Variants in TMPRSS2 observed in about 807,000 individuals in gnomAD.
The protein encoded by TMPRSS2 is transmembrane protease serine 2.
TMPRSS2 carries 59 observed loss-of-function variants against 67.4 expected under a neutral mutation model. The observed-to-expected ratio is 0.88, with a 90% CI of 0.71 to 1.09. The LOEUF (loss-of-function observed/expected upper bound fraction) is 1.09. Ranked by LOEUF, TMPRSS2 falls within the 50% of genes least tolerant of loss-of-function variation. TMPRSS2 has a pLI of 0.00. For synonymous variants in TMPRSS2, 257 were observed against 257.0 expected (o/e 1.00, Z 0.00); for missense variants, 668 against 642.7 (o/e 1.04, Z -0.43).
chr21:41,497,803 T>C (rs747158787), intron 2 of TMPRSS2, among the ~76,000 whole-genome samples: 6 of 152,204 alleles, frequency 3.9e-5, no homozygotes, highest in Non-Finnish European at 7.4e-5. Flanking sequence ...CATACCCCTG[T>C]TATCGCCATC....
intron 5 of TMPRSS2, among the ~76,000 whole-genome samples, chr21:41,484,829 G>A (rs2156300): frequency 0.95 from 144,694 of 152,028 alleles, 69,463 homozygotes; most frequent in Non-Finnish European, 0.98. Flanking sequence ...ATAATGGTGC[G>A]TCCATGCAAA....
chr21:41,501,899 C>A (rs904060019), intron 1 of TMPRSS2, among the ~76,000 whole-genome samples: 1 of 152,174 alleles, frequency 6.6e-6, no homozygotes, highest in Non-Finnish European at 1.5e-5. Flanking sequence ...TTTAAAGGAC[C>A]GGGATGATGG....
intron 1 of TMPRSS2, 132 bp downstream of exon 1, chr21:41,507,949 C>A (rs1274480463): frequency 1.3e-6 from 2 of 1,482,036 alleles, no homozygotes; most frequent in Middle Eastern, 2.0e-4. Flanking sequence ...GGCGCACTCA[C>A]CTGCCGCGCC....
At chr21:41,501,457 A>C (rs1425369264) in intron 1 of TMPRSS2, among the ~76,000 whole-genome samples, 1 of 151,990 alleles carries the variant, frequency 6.6e-6, no homozygotes, top group African/African-American at 2.4e-5. Flanking sequence ...AAAAATACAA[A>C]AATTAGCTGG....
In TMPRSS2 at chr21:41,478,872, G is replaced by A. The variant is rs958822021; in HGVS notation, c.683+300C>T. Among the ~76,000 whole-genome samples, 2 of 152,226 alleles carry A rather than the reference G, an allele frequency of 1.3e-5. No individual in the cohort carries two copies. Among genetic ancestry groups the A allele is most frequent in the African/African-American group, 2.4e-5 (1 of 41,458 alleles). On this transcript the variant is annotated intron_variant, in intron 7 of 13. Transcript: ENST00000332149. This position sits in a 1 kb window ranked among gnomAD's most constrained non-coding sequence, Gnocchi z 4.0. Reference sequence around the variant, plus strand: ...AAAATAGGTACACCTCTAAATGTCTGAAGAGGAAAGAAAACTAAATAGAGT... The same window carrying A: ...AAAATAGGTACACCTCTAAATGTCTAAAGAGGAAAGAAAACTAAATAGAGT...
intron 11 of TMPRSS2, among the ~76,000 whole-genome samples, chr21:41,470,057 A>G (rs926680656): frequency 6.6e-6 from 1 of 152,184 alleles, no homozygotes; most frequent in African/African-American, 2.4e-5. Context: ...TGTATGGCCT[A>G]GACGCTTTTG....
In TMPRSS2 at chr21:41,476,460, A is replaced by G. The variant is rs903983860; in HGVS notation, c.727+117T>C. The G allele has an allele frequency of 1.4e-4, 148 of 1,038,898 alleles. 1 individual carries two copies. In the African/African-American group the frequency reaches 2.3e-3, roughly 16 times the overall value. The allele number at this position is 1,038,898 out of a possible 1,614,324, so 64.4% of individuals were successfully genotyped here. A position where few individuals can be genotyped will look rare whatever the true frequency, so the allele number is the denominator to read the frequency against. ...GCGAGACGCCGCTGGGCACATTCCA[A>G]CCCGTGACCCCACCTTCTTCCCTCC... is the stretch of plus-strand genomic sequence containing the variant. On this transcript the variant is annotated intron_variant, in intron 8 of 13. Coordinates refer to ENST00000332149, the MANE Select transcript of TMPRSS2 (RefSeq NM_005656.4).
Position 41,471,309 on chromosome 21 carries a change from T to C in TMPRSS2, c.1075+497A>G, listed in dbSNP as rs370896169. On this transcript the variant is annotated intron_variant, in intron 10 of 13. Transcript: ENST00000332149. ...TGAATTAAGCAACTTGGTTTTAGAATGTATCTTTAAAAATCAAGGATCTTT... is the reference window on the plus strand; with the variant it reads ...TGAATTAAGCAACTTGGTTTTAGAACGTATCTTTAAAAATCAAGGATCTTT... 2.0e-4 allele frequency among the ~76,000 whole-genome samples: 31 copies of C among 152,356 alleles called. 1 individual carries two copies. In the East Asian group the frequency reaches 5.0e-3, roughly 25 times the overall value.
intron 3 of TMPRSS2, among the ~76,000 whole-genome samples, chr21:41,491,261 A>G (rs546531769): frequency 7.6e-5 from 11 of 145,670 alleles, no homozygotes; most frequent in Admixed American, 2.2e-4. Context: ...AGCTCAAGCC[A>G]TCTTTCCACT....
chr21:41,501,292 A>G (rs186929947), intron 1 of TMPRSS2, among the ~76,000 whole-genome samples: 28 of 152,322 alleles, frequency 1.8e-4, no homozygotes, highest in Non-Finnish European at 1.2e-4. Context: ...GGAATGGAAG[A>G]CCAGAGTGAT....
rs199824558 is a variant in TMPRSS2 at position 41,494,495 on chromosome 21, G to A, written c.99C>T (p.Val33=). The A allele has an allele frequency of 7.6e-4, 1,229 of 1,614,094 alleles. 9 individuals are homozygous for A. The South Asian group carries it at 8.1e-3, about 11-fold the overall frequency. ...ENPYPAQPTV[V]PTVYEVHPAQ... is the part of the protein sequence containing the mutation. ...CCGGATGCACCTCGTAGACAGTGGG[G>A]ACCACAGTGGGCTGTGCGGGATAGG... Residue 33 remains valine (V), a synonymous_variant, in exon 3 of 14, where the codon GTC becomes GTT. Coordinates refer to ENST00000332149, the MANE Select transcript of TMPRSS2 (RefSeq NM_005656.4).
chr21:41,466,282 T>A, intron 13 of TMPRSS2, 129 bp from the exon 14 acceptor site: 1 of 855,520 alleles, frequency 1.2e-6, no homozygotes, highest in East Asian at 2.6e-5. Context: ...CACAAAGGGA[T>A]CATTCTTCTC....
chr21:41,472,673 G>T (rs1234433493), intron 9 of TMPRSS2, among the ~76,000 whole-genome samples: 2 of 152,214 alleles, frequency 1.3e-5, no homozygotes, highest in Admixed American at 6.5e-5. Context: ...GAGACGTTGA[G>T]TGAATCGTCT....
At chr21:41,504,859 A>C (rs374886738) in intron 1 of TMPRSS2, among the ~76,000 whole-genome samples, 118 of 152,026 alleles carry the variant, frequency 7.8e-4, no homozygotes, top group African/African-American at 2.7e-3. Flanking sequence ...ATGCTCCTGC[A>C]CCCCAATCCT....
chr21:41,502,511 C>G (rs2146506644), intron 1 of TMPRSS2: 2 of 985,328 alleles, frequency 2.0e-6, no homozygotes, highest in Non-Finnish European at 2.4e-6. Flanking sequence ...CCAGACAGCA[C>G]CACCACCACC....
At chr21:41,466,270 A>G in intron 13 of TMPRSS2, 117 bp from the exon 14 acceptor site, 2 of 960,396 alleles carry the variant, frequency 2.1e-6, no homozygotes, top group Non-Finnish European at 3.3e-6. Flanking sequence ...CAAGCTTAAT[A>G]GCACAAAGGG....
chr21:41,467,324 G>A (rs924836861), intron 13 of TMPRSS2, among the ~76,000 whole-genome samples: 3 of 151,846 alleles, frequency 2.0e-5, no homozygotes, highest in African/African-American at 7.3e-5. Context: ...AGGAGGCAAA[G>A]GTTGCAGTGA....
At chr21:41,481,096 G>T (rs1212340513) in intron 5 of TMPRSS2, among the ~76,000 whole-genome samples, 1 of 152,212 alleles carries the variant, frequency 6.6e-6, no homozygotes, top group Non-Finnish European at 1.5e-5. Context: ...CTACACAAGA[G>T]AATTGAAAAC....
At chr21:41,495,580 A>G (rs946787060) in intron 2 of TMPRSS2, among the ~76,000 whole-genome samples, 4 of 149,656 alleles carry the variant, frequency 2.7e-5, no homozygotes, top group East Asian at 2.0e-4. Flanking sequence ...AATGGAGATC[A>G]CGTCACTACA....
Sources: gnomAD v4.1 joint callset for allele counts (sites outside exome capture counted in the v4.1 genomes callset) on GRCh38, gnomAD v4.1.1 for gene constraint, Gnocchi (gnomAD v3.1) non-coding constraint, MANE v1.5 for transcripts, NCBI Gene and HGNC (gene_info 2026-07-23, HGNC 2026-07-21) for gene names.